Variants in PRKCZ observed in about 807,000 individuals in gnomAD.
PRKCZ encodes protein kinase C zeta.
In PRKCZ, 33 loss-of-function variants were observed where a neutral mutation model predicts 79.5. The ratio of observed to expected loss-of-function variants is 0.41; its 90% CI spans 0.31 to 0.55. The LOEUF (loss-of-function observed/expected upper bound fraction) is 0.55, where lower values mean the gene tolerates loss of function less well. Among genes scored for constraint, PRKCZ ranks in the 20% least tolerant of loss-of-function variants. The probability of loss-of-function intolerance (pLI) is 0.19; values close to 1 mark genes in which losing one functional copy is unlikely to be tolerated. For missense variants in PRKCZ, 578 were observed against 813.5 expected, an observed-to-expected ratio of 0.71 and a Z score of 3.52; for synonymous variants, 342 against 320.9, an observed-to-expected ratio of 1.07 and a Z score of -0.70.
In PRKCZ at chr1:2,074,271, G is replaced by A. The variant is rs1271599772; in HGVS notation, c.334+14680G>A. The stretch of plus-strand genomic sequence containing the variant: ...GGAGGGACATGCTCACCCCGAGGAC[G>A]GATGGTGTGTGGCCCAGGCCTGGTG... On this transcript the variant is annotated intron_variant, in intron 4 of 17. Transcript: ENST00000378567. 9 of 1,549,720 alleles carry A rather than the reference G, an allele frequency of 5.8e-6. No individual in the cohort carries two copies. The East Asian group carries it at 7.3e-5, about 13-fold the overall frequency.
chr1:2,099,338 T>C (rs1044489947), intron 4 of PRKCZ, among the ~76,000 whole-genome samples: 1 of 152,228 alleles, frequency 6.6e-6, no homozygotes, highest in African/African-American at 2.4e-5. Flanking sequence ...ATTCATTCAT[T>C]CATCCCATGC....
rs1685143227 is a variant in PRKCZ at position 2,174,911 on chromosome 1, G to A, written c.1485+78G>A. On this transcript the variant is annotated intron_variant, in intron 15 of 17. Transcript: ENST00000378567. The surrounding 1 kb of genome is among the most constrained non-coding windows in gnomAD (Gnocchi z 6.2). ...GGCAGAGGGCCAGGCACGGCTGTTGGCCATTTTTTCATGTCGGCTGCTGTG... is the reference window on the plus strand; with the variant it reads ...GGCAGAGGGCCAGGCACGGCTGTTGACCATTTTTTCATGTCGGCTGCTGTG... 6.8e-7 allele frequency: 1 copy of A among 1,467,354 alleles called. No homozygotes were observed. Among genetic ancestry groups the A allele is most frequent in the East Asian group, 2.3e-5 (1 of 44,098 alleles). 90.9% of individuals were successfully genotyped at this position (1,467,354 alleles called of 1,614,324 possible).
In PRKCZ at chr1:2,144,510, C is replaced by G. The variant is rs530918823; in HGVS notation, c.552+169C>G. On this transcript the variant is annotated intron_variant, in intron 6 of 17. Transcript: ENST00000378567. ...ACTCAGGCGGCAGTCTTGGATAGGA[C>G]CCATCTTCCTGAGCCCCCACAAGCC... 37 of 1,430,814 alleles carry G rather than the reference C, an allele frequency of 2.6e-5. No individual in the cohort carries two copies. In the African/African-American group the frequency reaches 3.9e-4, roughly 15 times the overall value. The allele number at this position is 1,430,814 out of a possible 1,614,324, so 88.6% of individuals were successfully genotyped here.
At chr1:2,179,102 G>A (rs751388287) in intron 16 of PRKCZ, among the ~76,000 whole-genome samples, 1 of 152,230 alleles carries the variant, frequency 6.6e-6, no homozygotes, top group Non-Finnish European at 1.5e-5. Context: ...AGAGGGCCCC[G>A]TCAGCCAGGC....
upstream of PRKCZ, among the ~76,000 whole-genome samples, chr1:2,048,581 T>C (rs926292574): frequency 2.7e-5 from 4 of 150,288 alleles, no homozygotes; most frequent in Non-Finnish European, 5.9e-5. Context: ...CCTCCAGGAG[T>C]GATGGGAACC....
At chr1:2,102,576 C>T (rs1278920851) in intron 4 of PRKCZ, among the ~76,000 whole-genome samples, 1 of 152,126 alleles carries the variant, frequency 6.6e-6, no homozygotes. Flanking sequence ...TCGTGATCCG[C>T]CCGCCTTGGC....
intron 4 of PRKCZ, among the ~76,000 whole-genome samples, chr1:2,102,409 TGCAAG>T (rs1283864874): frequency 1.3e-5 from 2 of 151,988 alleles, no homozygotes; most frequent in African/African-American, 4.8e-5. Context: ...CTTGGCTCAC[TGCAAG>T]CCCCGTCTCC....
At chr1:2,145,954 T>C (rs1287634728) in intron 6 of PRKCZ, 73 bp from the exon 7 acceptor site, 3 of 1,328,292 alleles carry the variant, frequency 2.3e-6, no homozygotes, top group Middle Eastern at 3.7e-4. Context: ...AGTCACAAAG[T>C]GTTTACAGAA....
At chr1:2,078,912 G>A (rs1285249373) in intron 4 of PRKCZ, among the ~76,000 whole-genome samples, 3 of 148,032 alleles carry the variant, frequency 2.0e-5, no homozygotes, top group African/African-American at 7.5e-5. Flanking sequence ...GCGTGATTTC[G>A]GCTCACTGCA....
intron 4 of PRKCZ, among the ~76,000 whole-genome samples, chr1:2,077,069 G>C (rs939214660): frequency 2.6e-5 from 4 of 152,208 alleles, no homozygotes; most frequent in African/African-American, 9.7e-5. Flanking sequence ...AGTCAGGAGA[G>C]GCGAGACACC....
At chr1:2,056,711 T>C (rs1660195998) in intron 3 of PRKCZ, 138 bp downstream of exon 3, 5 of 731,406 alleles carry the variant, frequency 6.8e-6, no homozygotes, top group Admixed American at 3.5e-5. Flanking sequence ...ATAATGCCAT[T>C]TGGGTTTTTT....
At chr1:2,059,645 G>A in intron 4 of PRKCZ, 54 bp downstream of exon 4, 1 of 1,606,500 alleles carries the variant, frequency 6.2e-7, no homozygotes, top group Non-Finnish European at 8.5e-7. Context: ...TTGAACTGTT[G>A]ATCCGTTGTG....
rs1673624664 is a variant in PRKCZ at position 2,125,167 on chromosome 1, TTTTG to T, written c.335-10087_335-10084del. Among the ~76,000 whole-genome samples, 2 of 152,264 alleles carry T rather than the reference TTTTG, an allele frequency of 1.3e-5. No individual in the cohort carries two copies. The highest frequency in any genetic ancestry group is 3.9e-4 in the East Asian group (2 of 5,168). On this transcript the variant is annotated intron_variant, in intron 4 of 17. Transcript: ENST00000378567. This position sits in a 1 kb window ranked among gnomAD's most constrained non-coding sequence, Gnocchi z 4.2. Reference sequence around the variant, plus strand: ...GCTTCTTGTTGTTGGTGTTGATGTGTTTTGTTTGTTTTAGTGAATCCAGAAAAAA... The same window carrying T: ...GCTTCTTGTTGTTGGTGTTGATGTGTTTTGTTTTAGTGAATCCAGAAAAAA...
chr1:2,129,641 C>CG lies in PRKCZ; in HGVS notation c.335-5621_335-5620insG, dbSNP rs1674587129. Reference sequence around the variant, plus strand: ...AAGATGAGAGCTGTGGGGAGCCAGGCAGGGGGGGTCTCTGGGAACTCTCCA... The same window carrying CG: ...AAGATGAGAGCTGTGGGGAGCCAGGCGAGGGGGGGTCTCTGGGAACTCTCCA... On this transcript the variant is annotated intron_variant, in intron 4 of 17. Coordinates refer to ENST00000378567, the MANE Select transcript of PRKCZ (RefSeq NM_002744.6). Among the ~76,000 whole-genome samples, 4 of 152,170 alleles carry CG rather than the reference C, an allele frequency of 2.6e-5. No homozygotes were observed. In the East Asian group the frequency reaches 7.8e-4, roughly 30 times the overall value.
At chr1:2,068,301 G>C (rs1194787810) in intron 4 of PRKCZ, among the ~76,000 whole-genome samples, 1 of 152,242 alleles carries the variant, frequency 6.6e-6, no homozygotes, top group Non-Finnish European at 1.5e-5. Flanking sequence ...CCACCCCAGA[G>C]GGGAAGCTGG....
rs563574493 is a variant in PRKCZ at position 2,173,388 on chromosome 1, G to A, written c.1286-509G>A. ...CAGCAGGGACCAGGGGGACTTCCGG[G>A]GACGCAGAGACAGCTGCTGTCCTTG... On this transcript the variant is annotated intron_variant, in intron 13 of 17. Coordinates refer to ENST00000378567, the MANE Select transcript of PRKCZ (RefSeq NM_002744.6). This position sits in a 1 kb window ranked among gnomAD's most constrained non-coding sequence, Gnocchi z 5.7. Among the ~76,000 whole-genome samples, 26 of 152,260 alleles carry A rather than the reference G, an allele frequency of 1.7e-4. No homozygotes were observed. The highest frequency in any genetic ancestry group is 6.0e-4 in the African/African-American group (25 of 41,550).
At position 2,050,716 on chromosome 1, in the gene PRKCZ, G is replaced by A; in HGVS notation, c.71+15G>A. ...CATTACGGGGGGTGAGCGGCGGAGA[G>A]GGCGGGGAGCGGCGCGGGTGAGGCA... On this transcript the variant is annotated intron_variant, in intron 1 of 17. Coordinates refer to ENST00000378567, the MANE Select transcript of PRKCZ (RefSeq NM_002744.6). 2 of 1,214,372 alleles carry A rather than the reference G, an allele frequency of 1.6e-6. No homozygotes were observed. Among genetic ancestry groups the A allele is most frequent in the Non-Finnish European group, 1.0e-6 (1 of 973,028 alleles). The allele number at this position is 1,214,372 out of a possible 1,614,324, so 75.2% of individuals were successfully genotyped here.
rs1684562867 is a variant in PRKCZ at position 2,172,169 on chromosome 1, C to T, written c.1176C>T (p.Leu392=). The change falls in exon 12 of 18, where the codon CTC becomes CTT. Residue 392 remains leucine, a synonymous_variant. Transcript: ENST00000378567. The surrounding 1 kb of genome is among the most constrained non-coding windows in gnomAD (Gnocchi z 7.8). ...VLLDADGHIK[L]TDYGMCKEGL... ...TGGATGCGGACGGGCACATCAAGCTCACAGACTACGGCATGTGCAAGGTGC... is the reference window on the plus strand; with the variant it reads ...TGGATGCGGACGGGCACATCAAGCTTACAGACTACGGCATGTGCAAGGTGC... The T allele has an allele frequency of 6.2e-7, 1 of 1,613,368 alleles. No individual in the cohort carries two copies. Among genetic ancestry groups the T allele is most frequent in the South Asian group, 1.1e-5 (1 of 91,074 alleles).
intron 16 of PRKCZ, chr1:2,181,906 A>G (rs1437099323): frequency 2.2e-6 from 1 of 456,308 alleles, no homozygotes; most frequent in East Asian, 7.0e-5. Flanking sequence ...TGCTGTGCGC[A>G]CACCACAGGT....
Sources: allele counts gnomAD v4.1 joint callset (sites outside exome capture counted in the v4.1 genomes callset), GRCh38; gene constraint gnomAD v4.1.1; non-coding constraint Gnocchi (gnomAD v3.1); transcripts MANE v1.5; gene names NCBI Gene and HGNC (gene_info 2026-07-23, HGNC 2026-07-21).